Variants in STAT4 observed in about 807,000 individuals in gnomAD.
The protein encoded by STAT4 is signal transducer and activator of transcription 4.
A neutral mutation model predicts 110.5 loss-of-function variants in STAT4; 42 were observed. That is an observed-to-expected ratio of 0.38 (90% CI 0.30 to 0.49). The LOEUF (loss-of-function observed/expected upper bound fraction) is 0.49, where lower values mean the gene tolerates loss of function less well. Among genes scored for constraint, STAT4 ranks in the 20% least tolerant of loss-of-function variants. The pLI is 0.95. For synonymous variants in STAT4, 284 were observed against 302.2 expected (o/e 0.94, Z 0.63); for missense variants, 632 against 887.9 (o/e 0.71, Z 3.66).
rs187542513 is a variant in STAT4 at position 191,071,395 on chromosome 2, T to C, written c.466-1624A>G. On this transcript the variant is annotated intron_variant, in intron 5 of 23. Coordinates refer to ENST00000392320, the MANE Select transcript of STAT4 (RefSeq NM_003151.4). ...AGCTACTAAACTCATGGAACCTACA[T>C]GCATGAGAAAATGTACAAAATAAAA... Among the ~76,000 whole-genome samples the C allele has an allele frequency of 7.2e-5, 11 of 152,308 alleles. No homozygotes were observed. The East Asian group carries it at 1.3e-3, about 19-fold the overall frequency.
At chr2:191,047,915 C>A (rs1459904426) in intron 14 of STAT4, among the ~76,000 whole-genome samples, 1 of 152,200 alleles carries the variant, frequency 6.6e-6, no homozygotes, top group Non-Finnish European at 1.5e-5. Flanking sequence ...ATCTGCCTGT[C>A]TCGGACTCCC....
intron 3 of STAT4, among the ~76,000 whole-genome samples, chr2:191,088,070 T>C (rs1574143273): frequency 6.6e-6 from 1 of 152,090 alleles, no homozygotes; most frequent in South Asian, 2.1e-4. Context: ...AAATAAATTC[T>C]ATACAAATAG....
chr2:191,066,091 C>T lies in STAT4; in HGVS notation c.630+339G>A, dbSNP rs1011577213. Among the ~76,000 whole-genome samples, 3 of 152,078 alleles carry T rather than the reference C, an allele frequency of 2.0e-5. No individual in the cohort carries two copies. Among genetic ancestry groups the T allele is most frequent in the African/African-American group, 7.2e-5 (3 of 41,394 alleles). ...AAATACTATATTAATTATATATGTG[C>T]AGTGGAACCCATCTCAGCATATTAA... On this transcript the variant is annotated intron_variant, in intron 7 of 23. Transcript: ENST00000392320. This position sits in a 1 kb window ranked among gnomAD's most constrained non-coding sequence, Gnocchi z 4.3.
rs887144855 is a variant in STAT4 at position 191,090,889 on chromosome 2, C to G, written c.274-14564G>C. Among the ~76,000 whole-genome samples the G allele has an allele frequency of 5.9e-5, 9 of 152,122 alleles. No individual in the cohort carries two copies. Among genetic ancestry groups the G allele is most frequent in the Non-Finnish European group, 1.5e-5 (1 of 68,030 alleles). On this transcript the variant is annotated intron_variant, in intron 3 of 23. Transcript: ENST00000392320. The surrounding 1 kb of genome is among the most constrained non-coding windows in gnomAD (Gnocchi z 4.2). ...TACAGGCGTGAGCCACCATACCCGG[C>G]CTTAAACTACTTCTTAAAGGTATCA...
At chr2:191,076,511 A>G (rs191111154) in intron 3 of STAT4, among the ~76,000 whole-genome samples, 186 bp from the exon 4 acceptor site, 22 of 152,298 alleles carry the variant, frequency 1.4e-4, no homozygotes, top group Non-Finnish European at 2.8e-4. Flanking sequence ...GTAGACCCCT[A>G]AAGAGAGCAT....
At position 191,032,933 on chromosome 2, in the gene STAT4, A is replaced by AT. The variant is rs767096945; in HGVS notation, c.2044+24_2044+25insA. ...TTTCCAAAATCTTAAGGAAAAAAAA[A>AT]CAAAAACAAACAGAAAAACCTAACC... is the stretch of plus-strand genomic sequence containing the variant. On this transcript the variant is annotated intron_variant, in intron 21 of 23. Coordinates refer to ENST00000392320, the MANE Select transcript of STAT4 (RefSeq NM_003151.4). The surrounding 1 kb of genome is among the most constrained non-coding windows in gnomAD (Gnocchi z 4.9). 1.3e-6 allele frequency: 2 copies of AT among 1,574,760 alleles called. No individual in the cohort carries two copies. The highest frequency in any genetic ancestry group is 1.7e-6 in the Non-Finnish European group (2 of 1,166,378).
intron 3 of STAT4, among the ~76,000 whole-genome samples, chr2:191,128,050 T>A (rs1698928562): frequency 1.3e-5 from 2 of 152,310 alleles, no homozygotes; most frequent in South Asian, 4.1e-4. Flanking sequence ...ATATTAGGCA[T>A]CAAACAAAGT....
At chr2:191,089,545 T>G (rs1559061936) in intron 3 of STAT4, among the ~76,000 whole-genome samples, 1 of 152,216 alleles carries the variant, frequency 6.6e-6, no homozygotes, top group Non-Finnish European at 1.5e-5. Context: ...ATTCAGCAAT[T>G]GCACCCCTTG....
chr2:191,050,276 C>T lies in STAT4; in HGVS notation c.1251+4214G>A, dbSNP rs1041188295. Among the ~76,000 whole-genome samples the T allele has an allele frequency of 1.3e-5, 2 of 152,184 alleles. No individual in the cohort carries two copies. Among genetic ancestry groups the T allele is most frequent in the African/African-American group, 4.8e-5 (2 of 41,428 alleles). ...AGTACCTCCAGGGAAAGGTTGCTTC[C>T]TGGGAATGTTTATTTTACAGGAACA... On this transcript the variant is annotated intron_variant, in intron 14 of 23. Coordinates refer to ENST00000392320, the MANE Select transcript of STAT4 (RefSeq NM_003151.4). The surrounding 1 kb of genome is among the most constrained non-coding windows in gnomAD (Gnocchi z 4.3).
Position 191,061,812 on chromosome 2 carries a change from C to T in STAT4, c.951G>A (p.Val317=). 2 of 1,611,488 alleles carry T rather than the reference C, an allele frequency of 1.2e-6. No homozygotes were observed. Among genetic ancestry groups the T allele is most frequent in the Non-Finnish European group, 8.5e-7 (1 of 1,179,274 alleles). The change falls in exon 10 of 24, where the codon GTG becomes GTA. Residue 317 remains valine (V), a synonymous_variant. Coordinates refer to ENST00000392320, the MANE Select transcript of STAT4 (RefSeq NM_003151.4). The surrounding 1 kb of genome is among the most constrained non-coding windows in gnomAD (Gnocchi z 6.2). ...LIYNLFKNSF[V]VERQPCMPTH... is the part of the protein sequence containing the mutation. ...TTGGCATACATGGCTGTCGCTCAAC[C>T]ACAAATGAGCTAGATGAAAAGGAAA...
rs111602723 is a variant in STAT4 at position 191,066,311 on chromosome 2, G to A, written c.630+119C>T. On this transcript the variant is annotated intron_variant, in intron 7 of 23. Coordinates refer to ENST00000392320, the MANE Select transcript of STAT4 (RefSeq NM_003151.4). This position sits in a 1 kb window ranked among gnomAD's most constrained non-coding sequence, Gnocchi z 4.3. ...TGGGACTGTTCCTAGAAACCTTGCC[G>A]TTTCTTCATTCAGTAAATGGAACTG... 1.9e-4 allele frequency: 168 copies of A among 897,708 alleles called. No homozygotes were observed. In the African/African-American group the frequency reaches 2.2e-3, roughly 12 times the overall value. The allele number at this position is 897,708 out of a possible 1,614,324, so 55.6% of individuals were successfully genotyped here. A position where few individuals can be genotyped will look rare whatever the true frequency, so the allele number is the denominator to read the frequency against.
intron 3 of STAT4, among the ~76,000 whole-genome samples, chr2:191,115,376 G>T (rs1205223782): frequency 6.6e-6 from 1 of 152,160 alleles, no homozygotes; most frequent in Non-Finnish European, 1.5e-5. Flanking sequence ...TTGGAGGTTA[G>T]GAATGGATCC....
intron 3 of STAT4, among the ~76,000 whole-genome samples, chr2:191,132,803 G>A (rs1467157119): frequency 1.4e-5 from 2 of 147,306 alleles, no homozygotes; most frequent in Non-Finnish European, 3.0e-5. Context: ...CGCCCAGGCT[G>A]GAGTGCAGTG....
Position 191,033,492 on chromosome 2 carries a change from C to T in STAT4, c.1850G>A (p.Ser617Asn). The T allele has an allele frequency of 6.2e-7, 1 of 1,609,824 alleles. No homozygotes were observed. The highest frequency in any genetic ancestry group is 8.5e-7 in the Non-Finnish European group (1 of 1,178,828). The change falls in exon 20 of 24, where the codon AGT becomes AAT. Residue 617 changes from serine to asparagine, a missense_variant and splice_region_variant. Transcript: ENST00000392320. This position sits in a 1 kb window ranked among gnomAD's most constrained non-coding sequence, Gnocchi z 6.9. The part of the protein sequence containing the change: ...ITFTWVDHSE[S>N]GEVRFHSVEP... ...AATAAACATTAGTGAGTATATACCA[C>T]TTTCAGAATGGTCCACCCAGGTGAA... is the stretch of plus-strand genomic sequence containing the variant.
At chr2:191,102,521 C>T (rs148532953) in intron 3 of STAT4, among the ~76,000 whole-genome samples, 117 of 152,298 alleles carry the variant, frequency 7.7e-4, no homozygotes, top group Middle Eastern at 3.4e-3. Flanking sequence ...CTACAAGCTC[C>T]TCCCGCTGTG....
At chr2:191,101,680 C>T (rs1698152869) in intron 3 of STAT4, among the ~76,000 whole-genome samples, 2 of 152,168 alleles carry the variant, frequency 1.3e-5, no homozygotes, top group Admixed American at 1.3e-4. Context: ...AAGTGTCCTA[C>T]TACTGGTCAT....
rs185760114 is a variant in STAT4, at chr2:191,090,724, C to A, written c.274-14399G>T. Reference sequence around the variant, plus strand: ...TAGAGGCACCCGCCACCATGCCCGGCTAATTTTTTGTATTTTTAGTAGAGA... The same window carrying A: ...TAGAGGCACCCGCCACCATGCCCGGATAATTTTTTGTATTTTTAGTAGAGA... On this transcript the variant is annotated intron_variant, in intron 3 of 23. Coordinates refer to ENST00000392320, the MANE Select transcript of STAT4 (RefSeq NM_003151.4). This position sits in a 1 kb window ranked among gnomAD's most constrained non-coding sequence, Gnocchi z 4.2. Among the ~76,000 whole-genome samples, 82 of 152,130 alleles carry A rather than the reference C, an allele frequency of 5.4e-4. 1 individual carries two copies. The highest frequency in any genetic ancestry group is 1.9e-3 in the African/African-American group (78 of 41,476).
chr2:191,034,289 G>A lies in STAT4; in HGVS notation c.1620+259C>T, dbSNP rs3024931. Among the ~76,000 whole-genome samples the A allele has an allele frequency of 1.3e-4, 20 of 152,096 alleles. No homozygotes were observed. In the East Asian group the frequency reaches 3.1e-3, roughly 24 times the overall value. ...TATGAAAAAATTAGCCGGGCGTGGT[G>A]GTGGGTGCCTGTAGTCCCAGCTAAT... On this transcript the variant is annotated intron_variant, in intron 18 of 23. Coordinates refer to ENST00000392320, the MANE Select transcript of STAT4 (RefSeq NM_003151.4).
In STAT4 at chr2:191,116,803, T is replaced by C. The variant is rs1002905611; in HGVS notation, c.273+29810A>G. Among the ~76,000 whole-genome samples, 1 of 151,992 alleles carries C rather than the reference T, an allele frequency of 6.6e-6. No individual in the cohort carries two copies. The highest frequency in any genetic ancestry group is 1.5e-5 in the Non-Finnish European group (1 of 68,024). On this transcript the variant is annotated intron_variant, in intron 3 of 23. Coordinates refer to ENST00000392320, the MANE Select transcript of STAT4 (RefSeq NM_003151.4). This position sits in a 1 kb window ranked among gnomAD's most constrained non-coding sequence, Gnocchi z 4.1. ...CAGAGAAACTCCCCAACATAACTTG[T>C]TGAATGAATAAATGACTGAAAGTAA...
Sources: gnomAD v4.1 joint callset for allele counts (sites outside exome capture counted in the v4.1 genomes callset) on GRCh38, gnomAD v4.1.1 for gene constraint, Gnocchi (gnomAD v3.1) non-coding constraint, MANE v1.5 for transcripts, NCBI Gene and HGNC (gene_info 2026-07-23, HGNC 2026-07-21) for gene names.